Variants in SCAF8 observed in about 807,000 individuals in gnomAD.
SCAF8 encodes the protein SR-related and CTD-associated factor 8.
A neutral mutation model predicts 140.5 loss-of-function variants in SCAF8; 23 were observed. That is an observed-to-expected ratio of 0.16 (90% CI 0.12 to 0.23). The LOEUF is 0.23. SCAF8 is among the 10% of genes least tolerant of loss of function. SCAF8 has a pLI of 1.00. For missense variants in SCAF8, 1,397 were observed against 1,555.7 expected (o/e 0.90, Z 1.72); for synonymous variants, 575 against 528.9 (o/e 1.09, Z -1.20).
At position 154,761,668 on chromosome 6, in the gene SCAF8, A is replaced by C. The variant is rs143589659; in HGVS notation, c.31-12321A>C. ...CTGTTTATCTTTAAAAATTCTGATCACTCAAGAATATTGCTGTGTCATTAG... is the reference window on the plus strand; with the variant it reads ...CTGTTTATCTTTAAAAATTCTGATCCCTCAAGAATATTGCTGTGTCATTAG... On this transcript the variant is annotated intron_variant, in intron 1 of 19. Transcript: ENST00000367178. Among the ~76,000 whole-genome samples the C allele has an allele frequency of 4.8e-3, 727 of 152,174 alleles. 10 individuals carry two copies. The highest frequency in any genetic ancestry group is 0.016 in the African/African-American group (683 of 41,518).
Position 154,831,962 on chromosome 6 carries a change from A to G in SCAF8, c.2383A>G (p.Asn795Asp). Residue 795 changes from asparagine (N) to aspartate (D), a missense_variant, in exon 20 of 20, where the codon AAT becomes GAT. This residue lies in a region of SCAF8 where 930 missense variants were observed against 874.6 expected (regional missense o/e 1.06). Coordinates refer to ENST00000367178, the MANE Select transcript of SCAF8 (RefSeq NM_014892.5). ...RSVIPNDISS[N>D]AAILGGQPPN... ...AGTGATTCCAAATGATATTTCAAGT[A>G]ATGCTGCAATTTTAGGAGGACAGCC... The G allele has an allele frequency of 4.4e-6, 7 of 1,601,010 alleles. No individual in the cohort carries two copies. Among genetic ancestry groups the G allele is most frequent in the Non-Finnish European group, 6.0e-6 (7 of 1,175,402 alleles).
chr6:154,813,637 C>A (rs941213042), intron 12 of SCAF8, among the ~76,000 whole-genome samples: 1 of 152,108 alleles, frequency 6.6e-6, no homozygotes, highest in African/African-American at 2.4e-5. Flanking sequence ...ACATTTAAAT[C>A]ATTGGGATTT....
chr6:154,749,017 CT>C (rs1381643663), intron 1 of SCAF8, among the ~76,000 whole-genome samples: 1 of 152,216 alleles, frequency 6.6e-6, no homozygotes, highest in Non-Finnish European at 1.5e-5. Context: ...TCTTGGCTCA[CT>C]GCAACTTCTG....
intron 1 of SCAF8, among the ~76,000 whole-genome samples, chr6:154,739,339 A>C (rs755202483): frequency 5.9e-5 from 9 of 152,206 alleles, no homozygotes; most frequent in Non-Finnish European, 1.0e-4. Context: ...AAACAAACGT[A>C]GTTCCTTTAC....
At chr6:154,811,477 T>TA (rs996345077) in intron 12 of SCAF8, among the ~76,000 whole-genome samples, 1 of 152,112 alleles carries the variant, frequency 6.6e-6, no homozygotes, top group Non-Finnish European at 1.5e-5. Context: ...GCAGGTTTGT[T>TA]ACATAGGTAC....
At chr6:154,769,537 T>C (rs1413828184) in intron 1 of SCAF8, among the ~76,000 whole-genome samples, 5 of 152,262 alleles carry the variant, frequency 3.3e-5, no homozygotes, top group Admixed American at 3.3e-4. Context: ...TTCACTGTAA[T>C]GGAGAATGCC....
At chr6:154,770,388 A>ACACACTCTCT (rs1384942827) in intron 1 of SCAF8, among the ~76,000 whole-genome samples, 17 of 141,914 alleles carry the variant, frequency 1.2e-4, no homozygotes, top group African/African-American at 4.5e-4. Context: ...ACACACACAC[A>ACACACTCTCT]CTCTCTCTCT....
intron 2 of SCAF8, 123 bp downstream of exon 2, chr6:154,774,195 G>A: frequency 1.5e-6 from 1 of 672,756 alleles, no homozygotes; most frequent in Non-Finnish European, 2.5e-6. Context: ...CACATATTGT[G>A]GAAAAACACA....
At chr6:154,817,481 G>A (rs1013411469) in intron 13 of SCAF8, among the ~76,000 whole-genome samples, 1 of 152,012 alleles carries the variant, frequency 6.6e-6, no homozygotes, top group African/African-American at 2.4e-5. Context: ...TTAATTTTGG[G>A]GACTTCAAAG....
intron 1 of SCAF8, among the ~76,000 whole-genome samples, chr6:154,743,159 C>T (rs961455199): frequency 1.3e-5 from 2 of 152,180 alleles, no homozygotes; most frequent in Non-Finnish European, 2.9e-5. Flanking sequence ...GCAGCCTGAT[C>T]CGTTCTTAGC....
intron 14 of SCAF8, 137 bp downstream of exon 14, chr6:154,818,729 T>A (rs1778326861): frequency 2.4e-6 from 1 of 417,430 alleles, no homozygotes; most frequent in Non-Finnish European, 4.3e-6. Flanking sequence ...TATTATATTC[T>A]TTTTAAATGT....
chr6:154,742,782 C>G (rs775588508), intron 1 of SCAF8, among the ~76,000 whole-genome samples: 34 of 152,082 alleles, frequency 2.2e-4, no homozygotes, highest in Non-Finnish European at 8.8e-5. Flanking sequence ...CTCATGTTCT[C>G]TAAAGACAAT....
At chr6:154,815,169 C>T (rs1182949047) in intron 12 of SCAF8, among the ~76,000 whole-genome samples, 17 of 152,164 alleles carry the variant, frequency 1.1e-4, no homozygotes, top group Admixed American at 1.0e-3. Flanking sequence ...TGGTGGCGGG[C>T]GCCTGTAGTC....
intron 1 of SCAF8, among the ~76,000 whole-genome samples, chr6:154,735,019 GA>G (rs1241636444): frequency 6.6e-6 from 1 of 151,972 alleles, no homozygotes; most frequent in Admixed American, 6.6e-5. Context: ...AGCTACTTAG[GA>G]GGCTGAGGCA....
intron 6 of SCAF8, among the ~76,000 whole-genome samples, chr6:154,800,404 A>G (rs984196314): frequency 6.6e-6 from 1 of 151,616 alleles, no homozygotes; most frequent in African/African-American, 2.4e-5. Flanking sequence ...GTTTGAAGGA[A>G]AAGATAGTCT....
rs1276353970 is a variant in SCAF8 at position 154,833,376 on chromosome 6, C to G, written c.3797C>G (p.Thr1266Arg). ...GAAAGTGAACCAGTGGTAGAAAGCA[C>G]AGAAACTGAGGGGACATAATCATCA... The part of the protein sequence containing the change: ...DIESEPVVES[T>R]ETEGT Residue 1266 changes from threonine (T) to arginine (R), a missense_variant, in exon 20 of 20, where the codon ACA becomes AGA. Coordinates refer to ENST00000367178, the MANE Select transcript of SCAF8 (RefSeq NM_014892.5). 1 of 1,613,084 alleles carries G rather than the reference C, an allele frequency of 6.2e-7. No homozygotes were observed. The highest frequency in any genetic ancestry group is 2.2e-5 in the East Asian group (1 of 44,840).
intron 2 of SCAF8, among the ~76,000 whole-genome samples, chr6:154,777,051 C>T (rs1223302670): frequency 2.0e-5 from 3 of 152,174 alleles, no homozygotes; most frequent in South Asian, 2.1e-4. Flanking sequence ...GTGGCTGGCA[C>T]GCATCTGTAG....
At chr6:154,824,620 A>G (rs1016488351) in intron 17 of SCAF8, among the ~76,000 whole-genome samples, 2 of 152,138 alleles carry the variant, frequency 1.3e-5, no homozygotes, top group African/African-American at 4.8e-5. Context: ...AGCAGCACTG[A>G]CAGAGAAATA....
chr6:154,811,840 C>T (rs1025069756), intron 12 of SCAF8, among the ~76,000 whole-genome samples: 1 of 152,072 alleles, frequency 6.6e-6, no homozygotes, highest in Admixed American at 6.5e-5. Flanking sequence ...TTTCCAGCTT[C>T]ATTCATGTCC....
Sources: gnomAD v4.1 joint callset for allele counts (sites outside exome capture counted in the v4.1 genomes callset) on GRCh38, gnomAD v4.1.1 for gene constraint, gnomAD v4.1.1 regional missense constraint, MANE v1.5 for transcripts, NCBI Gene and HGNC (gene_info 2026-07-23, HGNC 2026-07-21) for gene names.